The following RBM33 variants were observed in gnomAD, a reference collection of about 807,000 sequenced individuals.
RBM33 encodes RNA binding motif protein 33, also known as RNA-binding protein 33.
Under a neutral mutation model 132.6 loss-of-function variants are expected in RBM33, and 28 were observed. The observed-to-expected ratio is 0.21, with a 90% confidence interval of 0.16 to 0.29. RBM33 has a LOEUF of 0.29. Ranked by LOEUF, RBM33 falls within the 10% of genes least tolerant of loss-of-function variation. RBM33 has a pLI of 1.00. For synonymous variants in RBM33, 634 were observed against 593.0 expected, an observed-to-expected ratio of 1.07 and a Z score of -1.01; for missense variants, 1,291 against 1,518.5, an observed-to-expected ratio of 0.85 and a Z score of 2.49.
At chr7:155,644,946 G>C (rs752396618) in intron 1 of RBM33, 27 bp downstream of exon 1, 1 of 1,476,174 alleles carries the variant, frequency 6.8e-7, no homozygotes, top group East Asian at 2.9e-5. Flanking sequence ...GACTCTGGGG[G>C]CCAGGACCGC....
At chr7:155,671,520 A>G (rs1336050232) in intron 2 of RBM33, among the ~76,000 whole-genome samples, 2 of 152,258 alleles carry the variant, frequency 1.3e-5, no homozygotes, top group Non-Finnish European at 2.9e-5. Flanking sequence ...GGCGTTATAT[A>G]GAAACATGCA....
rs183678450 is a variant in RBM33 at position 155,767,943 on chromosome 7, G to A, written c.3375+1288G>A. Among the ~76,000 whole-genome samples, 20 of 152,298 alleles carry A rather than the reference G, an allele frequency of 1.3e-4. No individual in the cohort carries two copies. The East Asian group carries it at 3.3e-3, about 25-fold the overall frequency. ...AAATAAATGGTGATGGAGAATTCTG[G>A]TCCAGTAACTGTGTAGCAGTGAGTC... On this transcript the variant is annotated intron_variant, in intron 16 of 17. Coordinates refer to ENST00000401878, the MANE Select transcript of RBM33 (RefSeq NM_053043.3).
intron 5 of RBM33, among the ~76,000 whole-genome samples, chr7:155,690,972 C>T (rs1272038555): frequency 1.3e-5 from 2 of 152,072 alleles, no homozygotes; most frequent in Non-Finnish European, 2.9e-5. Flanking sequence ...CGAGGTGTAT[C>T]TTTGTGGCAT....
chr7:155,764,206 T>C (rs1362868300), intron 15 of RBM33, among the ~76,000 whole-genome samples, 188 bp downstream of exon 15: 2 of 152,206 alleles, frequency 1.3e-5, no homozygotes, highest in Non-Finnish European at 2.9e-5. Context: ...CTCTCCTGAC[T>C]TATTTCACAG....
intron 7 of RBM33, among the ~76,000 whole-genome samples, chr7:155,708,276 A>T (rs917871215): frequency 6.6e-6 from 1 of 152,186 alleles, no homozygotes; most frequent in South Asian, 2.1e-4. Flanking sequence ...TTGCTTATAC[A>T]GCTGTTTTGT....
At chr7:155,649,612 C>G (rs576864836) in intron 1 of RBM33, among the ~76,000 whole-genome samples, 8 of 152,202 alleles carry the variant, frequency 5.3e-5, no homozygotes, top group South Asian at 2.1e-4. Flanking sequence ...AATGTCCCCC[C>G]CCTTTTCTGG....
chr7:155,774,248 G>A lies in RBM33; in HGVS notation c.3376-311G>A, dbSNP rs1802532446. On this transcript the variant is annotated intron_variant, in intron 16 of 17. Coordinates refer to ENST00000401878, the MANE Select transcript of RBM33 (RefSeq NM_053043.3). The surrounding 1 kb of genome is among the most constrained non-coding windows in gnomAD (Gnocchi z 4.2). Reference sequence around the variant, plus strand: ...AGAAGAGGAGATGTCTCTATCCAAGGGTACCTGCTACCCGGTCTCCCAGAG... The same window carrying A: ...AGAAGAGGAGATGTCTCTATCCAAGAGTACCTGCTACCCGGTCTCCCAGAG... Among the ~76,000 whole-genome samples, 1 of 152,192 alleles carries A rather than the reference G, an allele frequency of 6.6e-6. No individual in the cohort carries two copies. The highest frequency in any genetic ancestry group is 6.5e-5 in the Admixed American group (1 of 15,284).
intron 9 of RBM33, among the ~76,000 whole-genome samples, chr7:155,735,671 G>GGGTA (rs1801095250): frequency 6.6e-6 from 1 of 151,578 alleles, no homozygotes; most frequent in Non-Finnish European, 1.5e-5. Context: ...ACTCCAGCCT[G>GGGTA]GGTAACAGAG....
rs756031141 is a variant in RBM33 at position 155,711,163 on chromosome 7, T to G, written c.949-40T>G. 9.7e-6 allele frequency: 14 copies of G among 1,446,572 alleles called. No homozygotes were observed. In the South Asian group the frequency reaches 1.5e-4, roughly 15 times the overall value. The allele number at this position is 1,446,572 out of a possible 1,614,324, so 89.6% of individuals were successfully genotyped here. A position where few individuals can be genotyped will look rare whatever the true frequency, so the allele number is the denominator to read the frequency against. On this transcript the variant is annotated intron_variant, in intron 7 of 17. Coordinates refer to ENST00000401878, the MANE Select transcript of RBM33 (RefSeq NM_053043.3). ...CGGTGAACTTTTGTTTTTTTTTTTG[T>G]GATTTGTAGACTCATTCTCCAAGGT...
rs185485038 is a variant in RBM33 at position 155,683,177 on chromosome 7, A to G, written c.567+2269A>G. ...CTTTTCTTGCTTTATGATGATCACA[A>G]TGGTAACATCTGAATGATCTGAAAT... On this transcript the variant is annotated intron_variant, in intron 5 of 17. Coordinates refer to ENST00000401878, the MANE Select transcript of RBM33 (RefSeq NM_053043.3). Among the ~76,000 whole-genome samples the G allele has an allele frequency of 1.7e-3, 257 of 152,320 alleles. 14 individuals carry two copies. Among genetic ancestry groups the G allele is most frequent in the Non-Finnish European group, 1.0e-3 (68 of 68,026 alleles).
intron 1 of RBM33, among the ~76,000 whole-genome samples, chr7:155,660,004 G>A (rs1422627271): frequency 2.0e-5 from 3 of 152,202 alleles, no homozygotes; most frequent in African/African-American, 7.2e-5. Flanking sequence ...GACATCAGTC[G>A]TCATTGAATT....
chr7:155,749,597 A>G (rs539321395), intron 14 of RBM33, among the ~76,000 whole-genome samples: 5 of 149,924 alleles, frequency 3.3e-5, no homozygotes, highest in South Asian at 4.2e-4. Flanking sequence ...CTCCTAGGAT[A>G]ATGATGATGA....
At chr7:155,671,778 A>T (rs1325319569) in intron 2 of RBM33, among the ~76,000 whole-genome samples, 1 of 152,126 alleles carries the variant, frequency 6.6e-6, no homozygotes, top group African/African-American at 2.4e-5. Context: ...CTCTTTGTAT[A>T]TTTCTGTATG....
At chr7:155,741,226 C>T (rs573145308) in intron 12 of RBM33, among the ~76,000 whole-genome samples, 2 of 151,952 alleles carry the variant, frequency 1.3e-5, no homozygotes, top group East Asian at 1.9e-4. Flanking sequence ...CTTCCCCCCT[C>T]CCCCCTTCCA....
At chr7:155,677,847 TTGAC>T (rs1203303175) in intron 3 of RBM33, among the ~76,000 whole-genome samples, 50 of 152,340 alleles carry the variant, frequency 3.3e-4, no homozygotes, top group African/African-American at 1.2e-3. Context: ...GTGTGTGGCT[TTGAC>T]TGGCTTTCGT....
chr7:155,683,137 C>A (rs1799381724), intron 5 of RBM33, among the ~76,000 whole-genome samples: 1 of 152,156 alleles, frequency 6.6e-6, no homozygotes. Context: ...TACATGTGTT[C>A]TAGCCGTGGT....
intron 14 of RBM33, among the ~76,000 whole-genome samples, chr7:155,747,324 G>GTC (rs1801549263): frequency 6.6e-6 from 1 of 152,162 alleles, no homozygotes; most frequent in South Asian, 2.1e-4. Flanking sequence ...GTTAATCAGT[G>GTC]TCTCATTCTT....
intron 7 of RBM33, among the ~76,000 whole-genome samples, chr7:155,710,974 T>C (rs1265588357): frequency 1.3e-5 from 2 of 151,808 alleles, no homozygotes; most frequent in Non-Finnish European, 2.9e-5. Flanking sequence ...TGCGTGGGGA[T>C]TGACTCAATT....
chr7:155,698,375 A>G (rs945712440), intron 5 of RBM33, among the ~76,000 whole-genome samples: 1 of 152,176 alleles, frequency 6.6e-6, no homozygotes, highest in Non-Finnish European at 1.5e-5. Context: ...TCAGGGAAAA[A>G]AAAAAATTAT....
Sources: gnomAD v4.1 joint callset for allele counts (sites outside exome capture counted in the v4.1 genomes callset) on GRCh38, gnomAD v4.1.1 for gene constraint, Gnocchi (gnomAD v3.1) non-coding constraint, MANE v1.5 for transcripts, NCBI Gene and HGNC (gene_info 2026-07-23, HGNC 2026-07-21) for gene names.